The following RECQL5 variants were observed in gnomAD, a reference collection of about 807,000 sequenced individuals.
The protein encoded by RECQL5 is RecQ like helicase 5, also known as ATP-dependent DNA helicase Q5.
In RECQL5, 88 loss-of-function variants were observed where a neutral mutation model predicts 103.4. The ratio of observed to expected loss-of-function variants is 0.85; its 90% CI spans 0.72 to 1.02. RECQL5 has a LOEUF of 1.02. Among genes scored for constraint, RECQL5 ranks in the 50% least tolerant of loss-of-function variants. The probability of loss-of-function intolerance (pLI) is 0.00; values close to 1 mark genes in which losing one functional copy is unlikely to be tolerated. For synonymous variants in RECQL5, 552 were observed against 507.9 expected, an observed-to-expected ratio of 1.09 and a Z score of -1.17; for missense variants, 1,232 against 1,284.3, an observed-to-expected ratio of 0.96 and a Z score of 0.62.
Position 75,629,042 on chromosome 17 carries a change from AC to A in RECQL5, c.2380del (p.Val794PhefsTer87), listed in dbSNP as rs1353891434. 5 of 1,594,484 alleles carry A rather than the reference AC, an allele frequency of 3.1e-6. No individual in the cohort carries two copies. In the Admixed American group the frequency reaches 8.8e-5, roughly 28 times the overall value. On this transcript the variant is annotated frameshift_variant, in exon 16 of 20. Transcript: ENST00000317905. LOFTEE classifies it high-confidence loss of function. ...CTCTGGGGCCATCGGGGGTCCCTGAACCCCCTCACAGGAGGGGCAGGCACCT... is the reference window on the plus strand; with the variant it reads ...CTCTGGGGCCATCGGGGGTCCCTGAACCCCTCACAGGAGGGGCAGGCACCT... Reference protein sequence around the residue: ...AEGACPSCEGVQGPPMAPEKY... With the variant: ...AEGACPSCEGXQGPPMAPEKY...
intron 7 of RECQL5, among the ~76,000 whole-genome samples, chr17:75,654,004 C>T (rs1265583190): frequency 6.6e-6 from 1 of 152,160 alleles, no homozygotes; most frequent in Non-Finnish European, 1.5e-5. Context: ...GGTAACTCAT[C>T]CCCACCAATA....
At chr17:75,659,583 G>A (rs922645549) in intron 6 of RECQL5, among the ~76,000 whole-genome samples, 1 of 152,016 alleles carries the variant, frequency 6.6e-6, no homozygotes, top group African/African-American at 2.4e-5. Context: ...CGAACTCCTG[G>A]GCTCAAGCAA....
chr17:75,644,468 G>GTA (rs2059466776), intron 8 of RECQL5, among the ~76,000 whole-genome samples: 1 of 152,038 alleles, frequency 6.6e-6, no homozygotes, highest in Admixed American at 6.6e-5. Flanking sequence ...TTAGCCAGGT[G>GTA]TGGTAGCATA....
At position 75,629,067 on chromosome 17, in the gene RECQL5, C is replaced by T; in HGVS notation, c.2356G>A (p.Gly786Ser). 6.2e-7 allele frequency: 1 copy of T among 1,611,022 alleles called. No homozygotes were observed. The highest frequency in any genetic ancestry group is 8.5e-7 in the Non-Finnish European group (1 of 1,178,458). ...ALLASAPEAE[G>S]ACPSCEGVQG... is the part of the protein sequence containing the mutation. Reference sequence around the variant, plus strand: ...ACCCCCTCACAGGAGGGGCAGGCACCTTCTGCCTCTGGGGCTGATGCCAGC... The same window carrying T: ...ACCCCCTCACAGGAGGGGCAGGCACTTTCTGCCTCTGGGGCTGATGCCAGC... Residue 786 changes from glycine to serine, a missense_variant, in exon 16 of 20, where the codon GGT (glycine) becomes AGT (serine). Physicochemically the swap from Gly to Ser is moderately conservative, Grantham distance 56. Transcript: ENST00000317905.
At chr17:75,647,396 AAG>A in intron 8 of RECQL5, 2 of 1,549,554 alleles carry the variant, frequency 1.3e-6, no homozygotes, top group Non-Finnish European at 1.7e-6. Context: ...CTGGTATTCA[AAG>A]AGACAATCTG....
rs768123503 is a variant in RECQL5 at position 75,650,188 on chromosome 17, G to A, written c.1229+998C>T. On this transcript the variant is annotated intron_variant, in intron 8 of 19. Transcript: ENST00000317905. ...CTTGAAAAGGGCTCTGGTCGCAAAG[G>A]CTGCAGGCAAGGGTGGTCCTGGCAC... 1.2e-3 allele frequency: 1,171 copies of A among 987,778 alleles called. 1 individual carries two copies. The highest frequency in any genetic ancestry group is 5.7e-3 in the Middle Eastern group (11 of 1,916). 61.2% of individuals were successfully genotyped at this position (987,778 alleles called of 1,614,324 possible). A position where few individuals can be genotyped will look rare whatever the true frequency, so the allele number is the denominator to read the frequency against.
At chr17:75,648,143 C>T (rs1464752080) in intron 8 of RECQL5, among the ~76,000 whole-genome samples, 3 of 133,742 alleles carry the variant, frequency 2.2e-5, no homozygotes, top group East Asian at 2.8e-4. Flanking sequence ...CTTGAATATG[C>T]TGTGTTCTCT....
At position 75,640,091 on chromosome 17, in the gene RECQL5, G is replaced by A. The variant is rs1032752083; in HGVS notation, c.1230-8423C>T. The stretch of plus-strand genomic sequence containing the variant: ...TGTTCTGCGGGCTGCGGATGGGTGC[G>A]AGGGTGGAATCTCGGTGCTGCGACG... On this transcript the variant is annotated intron_variant, in intron 8 of 19. Coordinates refer to ENST00000317905, the MANE Select transcript of RECQL5 (RefSeq NM_004259.7). This position sits in a 1 kb window ranked among gnomAD's most constrained non-coding sequence, Gnocchi z 4.6. 4.6e-5 allele frequency: 65 copies of A among 1,401,908 alleles called. 1 individual carries two copies. Among genetic ancestry groups the A allele is most frequent in the Middle Eastern group, 2.6e-4 (1 of 3,848 alleles). 86.8% of individuals were successfully genotyped at this position (1,401,908 alleles called of 1,614,324 possible). A position where few individuals can be genotyped will look rare whatever the true frequency, so the allele number is the denominator to read the frequency against.
At chr17:75,650,564 CATGAG>C in intron 8 of RECQL5, 1 of 1,546,460 alleles carries the variant, frequency 6.5e-7, no homozygotes, top group Non-Finnish European at 8.7e-7. Context: ...AGGATCATTC[CATGAG>C]ATGAGATGAA....
At chr17:75,652,368 C>T (rs72631384) in intron 7 of RECQL5, 7,485 of 152,344 alleles carry the variant, frequency 0.049, 755 homozygotes, top group East Asian at 0.38. Context: ...GGCCAGTGTG[C>T]ACCACTTGGA....
intron 8 of RECQL5, among the ~76,000 whole-genome samples, chr17:75,643,884 T>A (rs1286410186): frequency 2.0e-5 from 3 of 152,212 alleles, no homozygotes; most frequent in Non-Finnish European, 4.4e-5. Flanking sequence ...GCCAGCCTCT[T>A]CATGCCCACC....
At chr17:75,642,849 G>A (rs1270850211) in intron 8 of RECQL5, among the ~76,000 whole-genome samples, 1 of 152,238 alleles carries the variant, frequency 6.6e-6, no homozygotes, top group African/African-American at 2.4e-5. Context: ...CAGCTGAAAA[G>A]GAGCAGGGCC....
chr17:75,643,420 C>T (rs1338789852), intron 8 of RECQL5, among the ~76,000 whole-genome samples: 3 of 152,244 alleles, frequency 2.0e-5, no homozygotes, highest in Non-Finnish European at 4.4e-5. Flanking sequence ...GCTGAGTCCG[C>T]ACAGGATTCG....
rs1325669154 is a variant in RECQL5, at chr17:75,662,755, C to G, written c.495G>C (p.Trp165Cys). ...AGTAGTCAGGACGAAAGTCATGCCCCCATTGGGAAACACAATGAGCTTCAT... is the reference window on the plus strand; with the variant it reads ...AGTAGTCAGGACGAAAGTCATGCCCGCATTGGGAAACACAATGAGCTTCAT... Reference protein sequence around the residue: ...VVDEAHCVSQWGHDFRPDYLR... With the variant: ...VVDEAHCVSQCGHDFRPDYLR... The change falls in exon 4 of 20, where the codon TGG becomes TGC. Residue 165 changes from tryptophan to cysteine, a missense_variant. Coordinates refer to ENST00000317905, the MANE Select transcript of RECQL5 (RefSeq NM_004259.7). The G allele has an allele frequency of 6.2e-7, 1 of 1,613,954 alleles. No individual in the cohort carries two copies. The highest frequency in any genetic ancestry group is 8.5e-7 in the Non-Finnish European group (1 of 1,180,044).
chr17:75,628,923 T>A lies in RECQL5; in HGVS notation c.2489+11A>T. 1.9e-6 allele frequency: 3 copies of A among 1,579,974 alleles called. No individual in the cohort carries two copies. The highest frequency in any genetic ancestry group is 2.6e-6 in the Non-Finnish European group (3 of 1,170,316). ...GGTTCCAGAAGATTCTATGACTACC[T>A]GTACCCTTACCTTGGCCTCTCCCTG... On this transcript the variant is annotated intron_variant, in intron 16 of 19. Coordinates refer to ENST00000317905, the MANE Select transcript of RECQL5 (RefSeq NM_004259.7).
chr17:75,641,020 C>CAG, intron 8 of RECQL5: 2 of 1,457,638 alleles, frequency 1.4e-6, no homozygotes, highest in Non-Finnish European at 1.8e-6. Context: ...AGCTCTGGCC[C>CAG]AGCCCAGGTA....
At chr17:75,666,695 T>A (rs1568290750) in intron 1 of RECQL5, 124 bp from the exon 2 acceptor site, 10 of 944,600 alleles carry the variant, frequency 1.1e-5, no homozygotes, top group Non-Finnish European at 1.4e-5. Flanking sequence ...GTATTATTTT[T>A]AAGTAATAAA....
In RECQL5 at chr17:75,658,913, A is replaced by C. The variant is rs909801693; in HGVS notation, c.987-453T>G. Among the ~76,000 whole-genome samples, 5 of 152,322 alleles carry C rather than the reference A, an allele frequency of 3.3e-5. No individual in the cohort carries two copies. In the East Asian group the frequency reaches 5.8e-4, roughly 18 times the overall value. On this transcript the variant is annotated intron_variant, in intron 6 of 19. Coordinates refer to ENST00000317905, the MANE Select transcript of RECQL5 (RefSeq NM_004259.7). The stretch of plus-strand genomic sequence containing the variant: ...TCATGTGAGGTAGCCCATTCTCCAG[A>C]ATATGAGATTCAGAAAGGTAAATTT...
intron 7 of RECQL5, among the ~76,000 whole-genome samples, chr17:75,652,030 C>T (rs965274988): frequency 2.0e-5 from 3 of 151,998 alleles, no homozygotes; most frequent in East Asian, 1.9e-4. Flanking sequence ...AGTTCGAGAC[C>T]GGCCTTGCCA....
Sources: gnomAD v4.1 joint callset for allele counts (sites outside exome capture counted in the v4.1 genomes callset) on GRCh38, gnomAD v4.1.1 for gene constraint, Gnocchi (gnomAD v3.1) non-coding constraint, MANE v1.5 for transcripts, NCBI Gene and HGNC (gene_info 2026-07-23, HGNC 2026-07-21) for gene names.